The following CNOT6 variants were observed in gnomAD, a reference collection of about 807,000 sequenced individuals.
CNOT6 encodes the protein carbon catabolite repression 4 protein.
In CNOT6, 12 loss-of-function variants were observed where a neutral mutation model predicts 61.2. The observed-to-expected ratio is 0.20, with a 90% CI of 0.13 to 0.32. The LOEUF (loss-of-function observed/expected upper bound fraction) is 0.32. CNOT6 is among the 10% of genes least tolerant of loss of function. The pLI, the probability that CNOT6 is intolerant of heterozygous loss-of-function variation, is 1.00. For missense variants in CNOT6, 405 were observed against 663.9 expected, an observed-to-expected ratio of 0.61 and a Z score of 4.28; for synonymous variants, 225 against 240.6, an observed-to-expected ratio of 0.94 and a Z score of 0.60.
intron 1 of CNOT6, among the ~76,000 whole-genome samples, chr5:180,525,198 T>C (rs576160302): frequency 1.3e-5 from 2 of 152,328 alleles, no homozygotes; most frequent in East Asian, 3.9e-4. Flanking sequence ...TAGGATTACT[T>C]ACTTCCTTCT....
At chr5:180,504,537 A>G (rs1757035933) in intron 1 of CNOT6, among the ~76,000 whole-genome samples, 1 of 152,192 alleles carries the variant, frequency 6.6e-6, no homozygotes, top group South Asian at 2.1e-4. Context: ...AGTCTGGCAA[A>G]AGGTAAGAAA....
At chr5:180,573,454 CTT>C (rs957480148) in intron 11 of CNOT6, among the ~76,000 whole-genome samples, 2 of 151,828 alleles carry the variant, frequency 1.3e-5, no homozygotes, top group African/African-American at 4.8e-5. Flanking sequence ...TCAGGAAGGT[CTT>C]TGGAAAGCAG....
At chr5:180,544,114 A>T (rs1759186206) in intron 2 of CNOT6, among the ~76,000 whole-genome samples, 1 of 152,068 alleles carries the variant, frequency 6.6e-6, no homozygotes, top group Non-Finnish European at 1.5e-5. Context: ...CCTGGCCATG[A>T]CTTTGTTTTT....
intron 4 of CNOT6, among the ~76,000 whole-genome samples, chr5:180,561,236 G>C (rs1181040344): frequency 1.3e-5 from 2 of 152,196 alleles, no homozygotes; most frequent in Non-Finnish European, 2.9e-5. Context: ...ATAGGCATGA[G>C]CCACTGTGCC....
At chr5:180,526,463 A>G (rs866990890) in intron 1 of CNOT6, among the ~76,000 whole-genome samples, 5 of 152,216 alleles carry the variant, frequency 3.3e-5, no homozygotes, top group African/African-American at 1.2e-4. Context: ...GGGAGTTCGT[A>G]GAAAGGGCCC....
chr5:180,527,950 G>T (rs974393991), intron 1 of CNOT6, among the ~76,000 whole-genome samples: 1 of 152,136 alleles, frequency 6.6e-6, no homozygotes, highest in Non-Finnish European at 1.5e-5. Context: ...CTTATGATGC[G>T]ATCTAACTAA....
chr5:180,573,921 C>A, intron 11 of CNOT6, 67 bp from the exon 12 acceptor site: 1 of 1,086,866 alleles, frequency 9.2e-7, no homozygotes, highest in Non-Finnish European at 1.4e-6. Context: ...AAAGGCATGT[C>A]TTGAAAGCAC....
intron 4 of CNOT6, among the ~76,000 whole-genome samples, chr5:180,555,622 G>T (rs1030998995): frequency 6.6e-6 from 1 of 152,148 alleles, no homozygotes; most frequent in Admixed American, 6.5e-5. Context: ...TAATTCTAAT[G>T]TTGTGTCGGA....
At chr5:180,509,851 A>G (rs1026133045) in intron 1 of CNOT6, among the ~76,000 whole-genome samples, 5 of 125,740 alleles carry the variant, frequency 4.0e-5, no homozygotes, top group Non-Finnish European at 3.3e-5. Context: ...TTTTTTCACT[A>G]GCTACTCTTT....
Position 180,508,271 on chromosome 5 carries a change from G to A in CNOT6, c.-3+13508G>A, listed in dbSNP as rs542268248. On this transcript the variant is annotated intron_variant, in intron 1 of 11. Transcript: ENST00000261951. The stretch of plus-strand genomic sequence containing the variant: ...ATATTTTTGGTTTGGAAATCTGGGT[G>A]TAAGCATAGGAGAAAGGGCAGGATT... 3.3e-5 allele frequency among the ~76,000 whole-genome samples: 5 copies of A among 152,338 alleles called. No individual in the cohort carries two copies. The East Asian group carries it at 9.6e-4, about 29-fold the overall frequency.
chr5:180,530,429 G>A (rs942072769), intron 2 of CNOT6, among the ~76,000 whole-genome samples: 2 of 152,172 alleles, frequency 1.3e-5, no homozygotes, highest in Non-Finnish European at 2.9e-5. Flanking sequence ...AGGAAATAAG[G>A]ATAATAGCAT....
chr5:180,508,281 G>T (rs962906098), intron 1 of CNOT6, among the ~76,000 whole-genome samples: 1 of 152,118 alleles, frequency 6.6e-6, no homozygotes, highest in Non-Finnish European at 1.5e-5. Flanking sequence ...GTAAGCATAG[G>T]AGAAAGGGCA....
At chr5:180,558,325 A>T (rs565226227) in intron 4 of CNOT6, among the ~76,000 whole-genome samples, 30 of 152,186 alleles carry the variant, frequency 2.0e-4, no homozygotes, top group South Asian at 6.2e-4. Context: ...GGCGTGATGA[A>T]TGGAGAGTCT....
At chr5:180,515,615 TGAG>T (rs894853400) in intron 1 of CNOT6, among the ~76,000 whole-genome samples, 12 of 152,120 alleles carry the variant, frequency 7.9e-5, no homozygotes, top group African/African-American at 2.4e-4. Flanking sequence ...AGTTGAGAAA[TGAG>T]GAGGGTCTGT....
chr5:180,515,905 A>T (rs1023576686), intron 1 of CNOT6, among the ~76,000 whole-genome samples: 17 of 152,014 alleles, frequency 1.1e-4, no homozygotes, highest in East Asian at 1.9e-4. Context: ...TTCAAGATTA[A>T]AAAAAAAAAT....
intron 1 of CNOT6, among the ~76,000 whole-genome samples, chr5:180,525,052 T>A (rs1758036261): frequency 6.7e-6 from 1 of 150,000 alleles, no homozygotes; most frequent in African/African-American, 2.5e-5. Context: ...AAGGAGCACT[T>A]CTTTGTGTTT....
intron 11 of CNOT6, among the ~76,000 whole-genome samples, chr5:180,573,552 AGTGTGTGTGTGTGTGTGTGTGTGTGTGT>A (rs755954581): frequency 2.5e-5 from 3 of 119,164 alleles, no homozygotes; most frequent in Non-Finnish European, 3.5e-5. Flanking sequence ...GGAGGGGGGC[AGTGTGTGTGTGTGTGTGTGTGTGTGTGT>A]GTGTGTGTGT....
chr5:180,547,341 G>A (rs767306881), intron 2 of CNOT6, among the ~76,000 whole-genome samples: 43 of 152,010 alleles, frequency 2.8e-4, no homozygotes, highest in Non-Finnish European at 4.4e-4. Context: ...CCAACATGGT[G>A]AAACCCCATC....
intron 1 of CNOT6, among the ~76,000 whole-genome samples, chr5:180,521,181 T>A (rs978650275): frequency 2.0e-5 from 3 of 152,006 alleles, no homozygotes; most frequent in African/African-American, 7.3e-5. Flanking sequence ...AGTTTTTGTG[T>A]GAAAGAGGAG....
Sources: gnomAD v4.1 joint callset for allele counts (sites outside exome capture counted in the v4.1 genomes callset) on GRCh38, gnomAD v4.1.1 for gene constraint, MANE v1.5 for transcripts, NCBI Gene and HGNC (gene_info 2026-07-23, HGNC 2026-07-21) for gene names.